Variants in UBE2Q2 observed in about 807,000 individuals in gnomAD.
UBE2Q2 encodes the protein ubiquitin-conjugating enzyme E2 Q2.
A neutral mutation model predicts 59.9 loss-of-function variants in UBE2Q2; 54 were observed. That is an observed-to-expected ratio of 0.90 (90% CI 0.72 to 1.13). The LOEUF is 1.13. UBE2Q2 is among the 50% of genes most tolerant of loss of function. The pLI is 0.00. For synonymous variants in UBE2Q2, 165 were observed against 155.2 expected (o/e 1.06, Z -0.47); for missense variants, 433 against 441.9 (o/e 0.98, Z 0.18).
chr15:75,900,924 T>G lies in UBE2Q2; in HGVS notation c.*1466T>G, dbSNP rs1179175463. On this transcript the variant is annotated 3_prime_UTR_variant, in exon 13 of 13. Transcript: ENST00000267938. ...AATATCCTGATGGCAAGCAGACTGA[T>G]AGCTGCACATTTGGCATGCTTTGTT... is the stretch of plus-strand genomic sequence containing the variant. The G allele has an allele frequency of 1.3e-5, 2 of 152,686 alleles. No individual in the cohort carries two copies. The highest frequency in any genetic ancestry group is 2.9e-5 in the Non-Finnish European group (2 of 68,042). 9.5% of individuals were successfully genotyped at this position (152,686 alleles called of 1,614,324 possible). A position where few individuals can be genotyped will look rare whatever the true frequency, so the allele number is the denominator to read the frequency against.
chr15:75,861,772 A>T (rs1567022422), intron 3 of UBE2Q2, among the ~76,000 whole-genome samples: 1 of 152,208 alleles, frequency 6.6e-6, no homozygotes, highest in Non-Finnish European at 1.5e-5. Flanking sequence ...GGCATAAAAC[A>T]ACAAATTTGC....
Position 75,843,547 on chromosome 15 carries a change from G to T in UBE2Q2, c.-120G>T. ...GCAGCGCTCGACGAGGCGGAGCCGC[G>T]AGAGCGCGGCCCAGGCCGGCCCCGC... On this transcript the variant is annotated 5_prime_UTR_variant, in exon 1 of 13. Transcript: ENST00000267938. 1 of 636,820 alleles carries T rather than the reference G, an allele frequency of 1.6e-6. No individual in the cohort carries two copies. Among genetic ancestry groups the T allele is most frequent in the South Asian group, 7.6e-5 (1 of 13,096 alleles). The allele number at this position is 636,820 out of a possible 1,614,324, so 39.4% of individuals were successfully genotyped here. A position where few individuals can be genotyped will look rare whatever the true frequency, so the allele number is the denominator to read the frequency against.
At chr15:75,895,495 T>A (rs1328000451) in intron 11 of UBE2Q2, among the ~76,000 whole-genome samples, 1 of 151,974 alleles carries the variant, frequency 6.6e-6, no homozygotes, top group East Asian at 1.9e-4. Flanking sequence ...CTTTACTATT[T>A]TAAAGAGCTC....
At chr15:75,877,196 A>G (rs922554938) in intron 6 of UBE2Q2, among the ~76,000 whole-genome samples, 1 of 147,788 alleles carries the variant, frequency 6.8e-6, no homozygotes, top group African/African-American at 2.5e-5. Flanking sequence ...GTTATGACCG[A>G]TTCAATTCTA....
At chr15:75,857,944 A>G (rs2141567943) in intron 2 of UBE2Q2, among the ~76,000 whole-genome samples, 1 of 152,304 alleles carries the variant, frequency 6.6e-6, no homozygotes, top group Middle Eastern at 3.4e-3. Flanking sequence ...TGTCAATAGT[A>G]GAACACAATT....
intron 3 of UBE2Q2, among the ~76,000 whole-genome samples, chr15:75,860,510 T>G (rs1023749129): frequency 6.6e-6 from 1 of 152,058 alleles, no homozygotes; most frequent in Non-Finnish European, 1.5e-5. Flanking sequence ...ACCACTCACC[T>G]CCCCTTCCTC....
rs1226865706 is a variant in UBE2Q2, at chr15:75,873,585, A to G, written c.588+17A>G. On this transcript the variant is annotated intron_variant, in intron 5 of 12. Coordinates refer to ENST00000267938, the MANE Select transcript of UBE2Q2 (RefSeq NM_173469.4). Reference sequence around the variant, plus strand: ...CATTTAAATGTAAGTGTGTGTAGATATCTAGAACCTGGACTTTTGTGGTTA... The same window carrying G: ...CATTTAAATGTAAGTGTGTGTAGATGTCTAGAACCTGGACTTTTGTGGTTA... The G allele has an allele frequency of 3.8e-6, 6 of 1,594,428 alleles. No homozygotes were observed. In the Admixed American group the frequency reaches 7.2e-5, roughly 19 times the overall value.
Position 75,868,948 on chromosome 15 carries a change from C to T in UBE2Q2, c.388-3C>T, listed in dbSNP as rs767613935. On this transcript the variant is annotated splice_region_variant and splice_polypyrimidine_tract_variant and intron_variant, in intron 3 of 12. Transcript: ENST00000267938. Reference sequence around the variant, plus strand: ...GCCCTGGCAGATTCTTTCTCTGTTTCAGAATGGGACAACAGAAGAAGTGAC... The same window carrying T: ...GCCCTGGCAGATTCTTTCTCTGTTTTAGAATGGGACAACAGAAGAAGTGAC... 3 of 1,612,374 alleles carry T rather than the reference C, an allele frequency of 1.9e-6. No homozygotes were observed. The highest frequency in any genetic ancestry group is 3.3e-5 in the Admixed American group (2 of 59,950).
rs748182365 is a variant in UBE2Q2 at position 75,876,190 on chromosome 15, G to A, written c.592G>A (p.Ala198Thr). 4.3e-6 allele frequency: 7 copies of A among 1,613,814 alleles called. No homozygotes were observed. The highest frequency in any genetic ancestry group is 1.1e-5 in the South Asian group (1 of 91,068). Reference protein sequence around the residue: ...KTQRQDHLNGAVSGSVQASDR... With the variant: ...KTQRQDHLNGTVSGSVQASDR... ...AACAGTGGCTTTTGTGTTTCAGGGTGCAGTGTCTGGGTCAGTGCAAGCTTC... is the reference window on the plus strand; with the variant it reads ...AACAGTGGCTTTTGTGTTTCAGGGTACAGTGTCTGGGTCAGTGCAAGCTTC... The change falls in exon 6 of 13, where the codon GCA (alanine) becomes ACA (threonine). Residue 198 changes from alanine (A) to threonine (T), a missense_variant. Physicochemically the swap from Ala to Thr is moderately conservative, Grantham distance 58. Transcript: ENST00000267938.
intron 3 of UBE2Q2, among the ~76,000 whole-genome samples, chr15:75,860,690 T>C (rs1897163069): frequency 6.6e-6 from 1 of 152,194 alleles, no homozygotes; most frequent in African/African-American, 2.4e-5. Context: ...AATTCTGTTG[T>C]AGCCCTTTCT....
At chr15:75,857,834 G>A (rs1336386510) in intron 2 of UBE2Q2, among the ~76,000 whole-genome samples, 1 of 150,998 alleles carries the variant, frequency 6.6e-6, no homozygotes, top group African/African-American at 2.4e-5. Context: ...GAAAAAGCAA[G>A]GCATAAAATA....
intron 1 of UBE2Q2, among the ~76,000 whole-genome samples, chr15:75,848,508 G>A (rs1233384539): frequency 6.6e-6 from 1 of 152,118 alleles, no homozygotes; most frequent in Non-Finnish European, 1.5e-5. Context: ...CATTGTTTTC[G>A]TTTATCTGAC....
chr15:75,860,082 A>C, intron 3 of UBE2Q2, 100 bp downstream of exon 3: 1 of 841,502 alleles, frequency 1.2e-6, no homozygotes, highest in Non-Finnish European at 1.9e-6. Flanking sequence ...CTTATTTAGA[A>C]GTTAGTTTCA....
At chr15:75,892,853 G>A (rs1263877018) in intron 11 of UBE2Q2, among the ~76,000 whole-genome samples, 1 of 152,236 alleles carries the variant, frequency 6.6e-6, no homozygotes, top group Admixed American at 6.5e-5. Flanking sequence ...CTTGGTGACA[G>A]TGAGACTCTG....
chr15:75,876,095 G>T, intron 5 of UBE2Q2, 92 bp from the exon 6 acceptor site: 24 of 1,075,268 alleles, frequency 2.2e-5, no homozygotes, highest in South Asian at 4.5e-5. Flanking sequence ...GTTGAGTGGT[G>T]ATCCATTTTT....
intron 5 of UBE2Q2, among the ~76,000 whole-genome samples, chr15:75,875,346 G>A (rs1167221427): frequency 2.6e-5 from 4 of 152,052 alleles, no homozygotes; most frequent in African/African-American, 9.7e-5. Flanking sequence ...TTAATTTCAC[G>A]TGACCAAAAA....
intron 8 of UBE2Q2, among the ~76,000 whole-genome samples, chr15:75,879,662 TA>T (rs1008569572): frequency 2.0e-5 from 3 of 152,140 alleles, no homozygotes; most frequent in Non-Finnish European, 2.9e-5. Context: ...TCTTAGCTAT[TA>T]AAATGGTCTG....
At chr15:75,880,008 G>C (rs1422225228) in intron 8 of UBE2Q2, among the ~76,000 whole-genome samples, 1 of 152,178 alleles carries the variant, frequency 6.6e-6, no homozygotes. Context: ...GGGCCAGGTT[G>C]ATGGTTACAT....
chr15:75,877,474 A>G (rs1249697749), intron 6 of UBE2Q2, among the ~76,000 whole-genome samples: 1 of 141,186 alleles, frequency 7.1e-6, no homozygotes, highest in East Asian at 2.0e-4. Context: ...AGCATTGTTT[A>G]TATAGAAAAA....
Sources: gnomAD v4.1 joint callset for allele counts (sites outside exome capture counted in the v4.1 genomes callset) on GRCh38, gnomAD v4.1.1 for gene constraint, MANE v1.5 for transcripts, NCBI Gene and HGNC (gene_info 2026-07-23, HGNC 2026-07-21) for gene names.